The following SCHIP1 variants were observed in gnomAD, a reference collection of about 807,000 sequenced individuals.
The protein encoded by SCHIP1 is schwannomin interacting protein 1, also known as schwannomin-interacting protein 1.
In SCHIP1, 8 loss-of-function variants were observed where a neutral mutation model predicts 29.7. The observed-to-expected ratio is 0.27, with a 90% CI of 0.16 to 0.49. The LOEUF (loss-of-function observed/expected upper bound fraction) is 0.49, where lower values mean the gene tolerates loss of function less well. Ranked by LOEUF, SCHIP1 falls within the 20% of genes least tolerant of loss-of-function variation. The pLI, the probability that SCHIP1 is intolerant of heterozygous loss-of-function variation, is 0.99. For missense variants in SCHIP1, 193 were observed against 294.6 expected, an observed-to-expected ratio of 0.66 and a Z score of 2.52; for synonymous variants, 76 against 94.9, an observed-to-expected ratio of 0.80 and a Z score of 1.16.
At chr3:159,401,836 A>G in the SCHIP1 span, among the ~76,000 whole-genome samples, 1 of 152,158 alleles carries the variant, frequency 6.6e-6, no homozygotes, top group African/African-American at 2.4e-5. Flanking sequence ...TGTATAAGAT[A>G]TAAGGAAGGG....
the SCHIP1 span, among the ~76,000 whole-genome samples, chr3:159,787,270 C>T: frequency 6.6e-6 from 1 of 152,248 alleles, no homozygotes; most frequent in Admixed American, 6.5e-5. Context: ...GCCTAGCCTT[C>T]AGTCCTTTTT....
chr3:159,776,267 A>G, the SCHIP1 span, among the ~76,000 whole-genome samples: 2 of 150,924 alleles, frequency 1.3e-5, no homozygotes, highest in African/African-American at 4.9e-5. Context: ...GTCTTACATA[A>G]TTTTTGGTCC....
At chr3:159,466,405 C>T in the SCHIP1 span, among the ~76,000 whole-genome samples, 1 of 152,072 alleles carries the variant, frequency 6.6e-6, no homozygotes, top group African/African-American at 2.4e-5. Flanking sequence ...ACAATGTTTT[C>T]TGAGCCTTGG....
chr3:159,376,800 A>G, the SCHIP1 span, among the ~76,000 whole-genome samples: 1 of 152,060 alleles, frequency 6.6e-6, no homozygotes, highest in African/African-American at 2.4e-5. Flanking sequence ...GGGCCTGGAC[A>G]CCCCTACTTC....
At chr3:159,599,648 A>G in the SCHIP1 span, among the ~76,000 whole-genome samples, 15 of 152,202 alleles carry the variant, frequency 9.9e-5, no homozygotes, top group East Asian at 2.9e-3. Context: ...TTTTCCACTC[A>G]TTGGGAAATT....
the SCHIP1 span, among the ~76,000 whole-genome samples, chr3:159,462,522 T>C: frequency 6.6e-6 from 1 of 152,144 alleles, no homozygotes. Context: ...TCTTTGGCAG[T>C]CGCCTCCTAC....
chr3:159,387,360 T>C, the SCHIP1 span: 2 of 389,740 alleles, frequency 5.1e-6, no homozygotes, highest in African/African-American at 2.1e-5. Flanking sequence ...GAGATAGATC[T>C]CTTCCAGGGA....
the SCHIP1 span, among the ~76,000 whole-genome samples, chr3:159,578,275 C>T: frequency 6.6e-6 from 1 of 152,052 alleles, no homozygotes; most frequent in Non-Finnish European, 1.5e-5. Context: ...ATCCAGATTG[C>T]GAGGCACTAT....
At chr3:159,705,318 C>T in the SCHIP1 span, among the ~76,000 whole-genome samples, 1 of 152,180 alleles carries the variant, frequency 6.6e-6, no homozygotes, top group Non-Finnish European at 1.5e-5. Context: ...CAGCTTCCTT[C>T]TATGTGACCA....
chr3:159,384,998 CTCTTT>C, the SCHIP1 span, among the ~76,000 whole-genome samples: 1 of 151,696 alleles, frequency 6.6e-6, no homozygotes, highest in African/African-American at 2.4e-5. Context: ...TGATTCTTCT[CTCTTT>C]TCTTCTTTAT....
the SCHIP1 span, among the ~76,000 whole-genome samples, chr3:159,737,084 C>T: frequency 6.6e-6 from 1 of 152,154 alleles, no homozygotes; most frequent in African/African-American, 2.4e-5. Context: ...GTGTTTATGG[C>T]AAATTGATAT....
the SCHIP1 span, among the ~76,000 whole-genome samples, chr3:159,551,236 G>A: frequency 1.3e-5 from 2 of 152,140 alleles, no homozygotes; most frequent in Non-Finnish European, 2.9e-5. Context: ...GGTCCCCAGA[G>A]TAAATAAAAC....
At chr3:159,481,506 G>T in the SCHIP1 span, among the ~76,000 whole-genome samples, 6 of 151,974 alleles carry the variant, frequency 3.9e-5, no homozygotes, top group Non-Finnish European at 5.9e-5. Context: ...TAAGATATTT[G>T]GGACTTACAC....
chr3:159,520,532 A>T, the SCHIP1 span, among the ~76,000 whole-genome samples: 1 of 152,160 alleles, frequency 6.6e-6, no homozygotes, highest in African/African-American at 2.4e-5. Context: ...CCAAATCTAT[A>T]AAGTTCTGCC....
At chr3:159,602,510 A>T in the SCHIP1 span, among the ~76,000 whole-genome samples, 1 of 152,082 alleles carries the variant, frequency 6.6e-6, no homozygotes, top group Non-Finnish European at 1.5e-5. Context: ...GGAGTTCGAG[A>T]CCAGCCTGGC....
At chr3:159,600,777 A>C in the SCHIP1 span, among the ~76,000 whole-genome samples, 2 of 152,114 alleles carry the variant, frequency 1.3e-5, no homozygotes, top group South Asian at 4.1e-4. Context: ...TGACATCTGC[A>C]CATCTGGTTT....
upstream of SCHIP1, among the ~76,000 whole-genome samples, chr3:159,839,026 G>T (rs987834985): frequency 1.3e-5 from 2 of 151,820 alleles, no homozygotes; most frequent in African/African-American, 4.8e-5. Context: ...ACATTAGCTT[G>T]AAGAATTTAT....
the SCHIP1 span, among the ~76,000 whole-genome samples, chr3:159,423,821 G>C: frequency 6.6e-6 from 1 of 152,108 alleles, no homozygotes; most frequent in Non-Finnish European, 1.5e-5. Flanking sequence ...AGTAGGGACA[G>C]ACTGACACTT....
the SCHIP1 span, among the ~76,000 whole-genome samples, chr3:159,661,847 T>C: frequency 6.6e-6 from 1 of 152,218 alleles, no homozygotes; most frequent in Non-Finnish European, 1.5e-5. Context: ...TCCAGGACTT[T>C]GGCATCTAGA....
Sources: allele counts gnomAD v4.1 joint callset (sites outside exome capture counted in the v4.1 genomes callset), GRCh38; gene constraint gnomAD v4.1.1; transcripts MANE v1.5; gene names NCBI Gene and HGNC (gene_info 2026-07-23, HGNC 2026-07-21).